ENTREP2: variants seen among roughly 807,000 people sequenced by gnomAD.
ENTREP2 encodes the protein protein ENTREP2.
the ENTREP2 span, among the ~76,000 whole-genome samples, chr15:29,466,805 C>T: frequency 7.6e-6 from 1 of 132,400 alleles, no homozygotes; most frequent in African/African-American, 2.9e-5. Context: ...GACGCTGCAG[C>T]CCCCAGGGGA....
the ENTREP2 span, among the ~76,000 whole-genome samples, chr15:29,599,542 C>T: frequency 1.3e-5 from 2 of 152,222 alleles, no homozygotes; most frequent in Admixed American, 1.3e-4. Flanking sequence ...CTACCTAACA[C>T]CAGTGCTTCC....
chr15:29,606,576 G>T, the ENTREP2 span, among the ~76,000 whole-genome samples: 35,752 of 151,796 alleles, frequency 0.24, 4,635 homozygotes, highest in African/African-American at 0.33. Context: ...GGCTTATACT[G>T]TCTTTCCTTG....
chr15:29,258,988 C>A, the ENTREP2 span, among the ~76,000 whole-genome samples: 31 of 152,304 alleles, frequency 2.0e-4, no homozygotes, highest in Non-Finnish European at 3.1e-4. Context: ...AATGAAACAA[C>A]TTTTCTGAGT....
chr15:29,383,275 A>G, the ENTREP2 span, among the ~76,000 whole-genome samples: 13 of 152,200 alleles, frequency 8.5e-5, no homozygotes, highest in East Asian at 1.7e-3. Flanking sequence ...ATGTCCAAAA[A>G]TGCAGCTGCA....
At chr15:29,419,388 G>A in the ENTREP2 span, among the ~76,000 whole-genome samples, 1 of 152,012 alleles carries the variant, frequency 6.6e-6, no homozygotes, top group African/African-American at 2.4e-5. Context: ...AGATACAGAA[G>A]ATAAGACTAG....
the ENTREP2 span, among the ~76,000 whole-genome samples, chr15:29,300,310 G>A: frequency 1.0e-5 from 1 of 96,276 alleles, no homozygotes; most frequent in African/African-American, 7.3e-5. Flanking sequence ...ATGGATGGAT[G>A]GATGGATGGA....
the ENTREP2 span, among the ~76,000 whole-genome samples, chr15:29,187,084 A>G: frequency 6.6e-6 from 1 of 152,028 alleles, no homozygotes; most frequent in Non-Finnish European, 1.5e-5. Flanking sequence ...TTCTTTTCCT[A>G]TAGCTAACCT....
chr15:29,614,950 G>A, the ENTREP2 span, among the ~76,000 whole-genome samples: 6 of 152,254 alleles, frequency 3.9e-5, 1 homozygote, highest in African/African-American at 1.4e-4. Flanking sequence ...GAAGAGGATG[G>A]GATTTTCCAT....
the ENTREP2 span, among the ~76,000 whole-genome samples, chr15:29,666,367 A>G: frequency 6.6e-6 from 1 of 151,738 alleles, no homozygotes; most frequent in Non-Finnish European, 1.5e-5. Context: ...CATCAGCAAT[A>G]TTACTGGGTC....
At chr15:29,233,699 C>G in the ENTREP2 span, 1 of 1,235,180 alleles carries the variant, frequency 8.1e-7, no homozygotes, top group Non-Finnish European at 1.2e-6. Flanking sequence ...GTTGCACGCA[C>G]TCTGTTGCTC....
the ENTREP2 span, among the ~76,000 whole-genome samples, chr15:29,224,955 G>T: frequency 6.6e-6 from 1 of 152,200 alleles, no homozygotes; most frequent in Non-Finnish European, 1.5e-5. Context: ...GGCAGCTAAG[G>T]CCTGGTGAGA....
the ENTREP2 span, among the ~76,000 whole-genome samples, chr15:29,150,602 C>T: frequency 3.9e-5 from 6 of 152,174 alleles, no homozygotes; most frequent in Admixed American, 3.9e-4. Context: ...TACCTTAGAA[C>T]TGCTTAATTA....
At chr15:29,280,766 G>C in the ENTREP2 span, among the ~76,000 whole-genome samples, 1 of 152,220 alleles carries the variant, frequency 6.6e-6, no homozygotes, top group African/African-American at 2.4e-5. Context: ...TCCTCAAAAT[G>C]CATGAAAGGC....
chr15:29,592,768 TG>T, the ENTREP2 span, among the ~76,000 whole-genome samples: 3 of 151,968 alleles, frequency 2.0e-5, no homozygotes, highest in Non-Finnish European at 4.4e-5. Flanking sequence ...CTGTCCCTGG[TG>T]GGGGTGGGGA....
At chr15:29,130,171 TC>T in the ENTREP2 span, among the ~76,000 whole-genome samples, 1 of 152,158 alleles carries the variant, frequency 6.6e-6, no homozygotes, top group Non-Finnish European at 1.5e-5. Flanking sequence ...GAGAGGTGGT[TC>T]CGAGACAAAG....
At chr15:29,399,747 T>C in the ENTREP2 span, among the ~76,000 whole-genome samples, 3 of 152,324 alleles carry the variant, frequency 2.0e-5, no homozygotes, top group Non-Finnish European at 2.9e-5. Context: ...CACATTCACA[T>C]TTTGGATGTC....
chr15:29,410,119 CTCTT>C, the ENTREP2 span, among the ~76,000 whole-genome samples: 3 of 151,976 alleles, frequency 2.0e-5, no homozygotes, highest in African/African-American at 7.3e-5. Context: ...TAAGGCCTGT[CTCTT>C]TGTTTGTATG....
chr15:29,463,820 G>A, the ENTREP2 span, among the ~76,000 whole-genome samples: 1 of 152,100 alleles, frequency 6.6e-6, no homozygotes, highest in African/African-American at 2.4e-5. Flanking sequence ...GTCCATCAAT[G>A]GCAGAACAGA....
the ENTREP2 span, among the ~76,000 whole-genome samples, chr15:29,125,551 C>T: frequency 2.6e-5 from 4 of 152,190 alleles, no homozygotes; most frequent in Admixed American, 6.5e-5. Context: ...CCACTGCGCC[C>T]TCTTCAGGGT....
Sources: gnomAD v4.1 joint callset for allele counts (sites outside exome capture counted in the v4.1 genomes callset) on GRCh38, gnomAD v4.1.1 for gene constraint, MANE v1.5 for transcripts, NCBI Gene and HGNC (gene_info 2026-07-23, HGNC 2026-07-21) for gene names.